TBX18: variants seen among roughly 807,000 people sequenced by gnomAD.
TBX18 encodes T-box transcription factor TBX18.
A neutral mutation model predicts 55.0 loss-of-function variants in TBX18; 21 were observed. The observed-to-expected ratio is 0.38, with a 90% CI of 0.27 to 0.55. TBX18 has a LOEUF of 0.55. Among genes scored for constraint, TBX18 ranks in the 20% least tolerant of loss-of-function variants. The pLI, the probability that TBX18 is intolerant of heterozygous loss-of-function variation, is 0.73. For missense variants in TBX18, 840 were observed against 799.6 expected, an observed-to-expected ratio of 1.05 and a Z score of -0.61; for synonymous variants, 342 against 326.1, an observed-to-expected ratio of 1.05 and a Z score of -0.53.
Position 84,763,157 on chromosome 6 carries a change from G to A in TBX18, c.293-409C>T. On this transcript the variant is annotated intron_variant, in intron 1 of 7. Coordinates refer to ENST00000369663, the MANE Select transcript of TBX18 (RefSeq NM_001080508.3). ...CAAACTCCGACGCAACCTGCGCCTCGAAGCGCAAGCAGCAAAAGCGCCCGG... is the reference window on the plus strand; with the variant it reads ...CAAACTCCGACGCAACCTGCGCCTCAAAGCGCAAGCAGCAAAAGCGCCCGG... 1.1e-5 allele frequency: 4 copies of A among 363,578 alleles called. 1 individual carries two copies. The highest frequency in any genetic ancestry group is 8.9e-5 in the South Asian group (4 of 44,896). The allele number at this position is 363,578 out of a possible 1,614,324, so 22.5% of individuals were successfully genotyped here. A position where few individuals can be genotyped will look rare whatever the true frequency, so the allele number is the denominator to read the frequency against.
intron 6 of TBX18, 58 bp downstream of exon 6, chr6:84,744,203 T>A: frequency 7.0e-7 from 1 of 1,425,836 alleles, no homozygotes; most frequent in Non-Finnish European, 9.6e-7. Flanking sequence ...AATAGAAAAT[T>A]CATAATAAAA....
chr6:84,737,101 T>C lies in TBX18; in HGVS notation c.1408A>G (p.Met470Val), dbSNP rs757081078. The C allele has an allele frequency of 3.7e-6, 6 of 1,614,192 alleles. No individual in the cohort carries two copies. Among genetic ancestry groups the C allele is most frequent in the Admixed American group, 1.7e-5 (1 of 60,028 alleles). The change falls in exon 8 of 8, where the codon ATG (methionine) becomes GTG (valine). Residue 470 changes from methionine to valine, a missense_variant. By Grantham distance (21) the Met-to-Val change is conservative (BLOSUM62 1). Coordinates refer to ENST00000369663, the MANE Select transcript of TBX18 (RefSeq NM_001080508.3). Reference protein sequence around the residue: ...VSSSTSVNMSMGGTDGDTFSC... With the variant: ...VSSSTSVNMSVGGTDGDTFSC... ...AAGGTGTCCCCATCAGTGCCACCCA[T>C]GGACATGTTCACGGAGGTGCTGCTG...
Position 84,756,765 on chromosome 6 carries a change from C to A in TBX18, c.704G>T (p.Trp235Leu), listed in dbSNP as rs752504356. Residue 235 changes from tryptophan to leucine, a missense_variant, in exon 4 of 8, where the codon TGG becomes TTG. Physicochemically the swap from Trp to Leu is moderately conservative, Grantham distance 61. Coordinates refer to ENST00000369663, the MANE Select transcript of TBX18 (RefSeq NM_001080508.3). ...HPDSPASGET[W>L]MRQVISFDKL... ...GTCGAAGCTGATAACTTGTCTCATC[C>A]AAGTCTCCCCCGAGGCAGGCGAGTC... is the stretch of plus-strand genomic sequence containing the variant. The A allele has an allele frequency of 3.7e-6, 6 of 1,614,084 alleles. No individual in the cohort carries two copies. The South Asian group carries it at 6.6e-5, about 18-fold the overall frequency.
chr6:84,763,854 C>G (rs1430665805), intron 1 of TBX18, 36 bp downstream of exon 1: 6 of 1,455,388 alleles, frequency 4.1e-6, no homozygotes, highest in African/African-American at 1.5e-5. Flanking sequence ...AGGTTCGCGC[C>G]GGAGAGAAGT....
intron 4 of TBX18, among the ~76,000 whole-genome samples, chr6:84,754,991 T>C (rs1234335300): frequency 6.6e-6 from 1 of 152,128 alleles, no homozygotes; most frequent in Non-Finnish European, 1.5e-5. Context: ...TAAAATAAAT[T>C]GTTCTCTCTG....
rs1220012352 is a variant in TBX18 at position 84,764,018 on chromosome 6, C to A, written c.164G>T (p.Cys55Phe). 1.0e-5 allele frequency: 16 copies of A among 1,555,964 alleles called. No individual in the cohort carries two copies. Among genetic ancestry groups the A allele is most frequent in the Non-Finnish European group, 1.4e-5 (16 of 1,154,198 alleles). Residue 55 changes from cysteine to phenylalanine, a missense_variant, in exon 1 of 8, where the codon TGC (cysteine) becomes TTC (phenylalanine). Transcript: ENST00000369663. ...TTCGCCCGCGCCGCCGCCGCGGCTG[C>A]AGCCTCCGTCGTCCACGGCCCCCGC... ...EAAGAVDDGG[C>F]SRGGGAGEKG...
At chr6:84,757,329 C>T (rs1370704931) in intron 3 of TBX18, among the ~76,000 whole-genome samples, 1 of 152,156 alleles carries the variant, frequency 6.6e-6, no homozygotes, top group Non-Finnish European at 1.5e-5. Flanking sequence ...TATGTAAAGG[C>T]TTATGGAACA....
chr6:84,763,996 G>T lies in TBX18; in HGVS notation c.186C>A (p.Gly62=). The T allele has an allele frequency of 6.4e-7, 1 of 1,563,144 alleles. No homozygotes were observed. Among genetic ancestry groups the T allele is most frequent in the Non-Finnish European group, 8.6e-7 (1 of 1,159,238 alleles). The change falls in exon 1 of 8, where the codon GGC becomes GGA. Residue 62 remains glycine (G), a synonymous_variant. Transcript: ENST00000369663. ...CGTCTCCCTCAGAAGAACCCTTTTCGCCCGCGCCGCCGCCGCGGCTGCAGC... is the reference window on the plus strand; with the variant it reads ...CGTCTCCCTCAGAAGAACCCTTTTCTCCCGCGCCGCCGCCGCGGCTGCAGC... ...DGGCSRGGGA[G]EKGSSEGDEG...
At position 84,743,720 on chromosome 6, in the gene TBX18, C is replaced by T. The variant is rs112644550; in HGVS notation, c.1004+541G>A. Among the ~76,000 whole-genome samples, 603 of 152,196 alleles carry T rather than the reference C, an allele frequency of 4.0e-3. 3 individuals are homozygous for T. Among genetic ancestry groups the T allele is most frequent in the African/African-American group, 0.011 (455 of 41,532 alleles). ...ATTATTGTGGCTCTACCACTTAGTA[C>T]AAACACCACAAAACGTGAAACAGAA... is the stretch of plus-strand genomic sequence containing the variant. On this transcript the variant is annotated intron_variant, in intron 6 of 7. Coordinates refer to ENST00000369663, the MANE Select transcript of TBX18 (RefSeq NM_001080508.3).
At chr6:84,762,486 G>C in intron 2 of TBX18, 58 bp downstream of exon 2, 1 of 1,588,292 alleles carries the variant, frequency 6.3e-7, no homozygotes, top group Middle Eastern at 1.7e-4. Context: ...TTGAGCTAGA[G>C]GTGAGTGAAG....
At position 84,735,518 on chromosome 6, in the gene TBX18, C is replaced by G. The variant is rs1035836643; in HGVS notation, c.*1167G>C. On this transcript the variant is annotated 3_prime_UTR_variant, in exon 8 of 8. Coordinates refer to ENST00000369663, the MANE Select transcript of TBX18 (RefSeq NM_001080508.3). ...AAGACAGATTGCTGGAGATAACCTA[C>G]TGAAATTCCTCACCGTGTTATTTAA... 4 of 152,286 alleles carry G rather than the reference C, an allele frequency of 2.6e-5. No individual in the cohort carries two copies. The highest frequency in any genetic ancestry group is 3.4e-3 in the Middle Eastern group (1 of 294). 9.4% of individuals were successfully genotyped at this position (152,286 alleles called of 1,614,324 possible). A position where few individuals can be genotyped will look rare whatever the true frequency, so the allele number is the denominator to read the frequency against.
At chr6:84,754,613 C>A (rs565227031) in intron 4 of TBX18, among the ~76,000 whole-genome samples, 2 of 152,236 alleles carry the variant, frequency 1.3e-5, no homozygotes, top group South Asian at 4.1e-4. Flanking sequence ...CATTTGTAAT[C>A]TATTATTTTG....
intron 4 of TBX18, 27 bp downstream of exon 4, chr6:84,756,665 TCTACAG>T: frequency 6.2e-7 from 1 of 1,603,716 alleles, no homozygotes; most frequent in Admixed American, 1.7e-5. Flanking sequence ...GGCTGTGCCA[TCTACAG>T]ATGCATTAGA....
At chr6:84,759,170 T>G (rs1443111266) in intron 3 of TBX18, among the ~76,000 whole-genome samples, 1 of 152,148 alleles carries the variant, frequency 6.6e-6, no homozygotes, top group Non-Finnish European at 1.5e-5. Flanking sequence ...CAAAACTCCC[T>G]AATGACTTAT....
chr6:84,764,453 A>C lies in TBX18; in HGVS notation c.-272T>G. The C allele has an allele frequency of 3.0e-5, 12 of 396,980 alleles. No individual in the cohort carries two copies. The highest frequency in any genetic ancestry group is 4.4e-5 in the Non-Finnish European group (10 of 226,214). The allele number at this position is 396,980 out of a possible 1,614,324, so 24.6% of individuals were successfully genotyped here. ...GCACTCCTTTGCTCCCACCCCTTCC[A>C]CCTCCTCCTGCTGCTCCGAGGTCTG... On this transcript the variant is annotated 5_prime_UTR_variant, in exon 1 of 8. Transcript: ENST00000369663.
intron 2 of TBX18, among the ~76,000 whole-genome samples, chr6:84,760,645 G>C (rs577338254): frequency 6.6e-6 from 1 of 152,242 alleles, no homozygotes; most frequent in African/African-American, 2.4e-5. Flanking sequence ...ACAAAAGAAA[G>C]CATCTTATTT....
chr6:84,736,471 C>G lies in TBX18; in HGVS notation c.*214G>C, dbSNP rs185842202. On this transcript the variant is annotated 3_prime_UTR_variant, in exon 8 of 8. Coordinates refer to ENST00000369663, the MANE Select transcript of TBX18 (RefSeq NM_001080508.3). ...GGATGAAACAGGGGAACAATAGGGG[C>G]CGTGATACTCCATGTGCTATGTATA... is the stretch of plus-strand genomic sequence containing the variant. 16 of 398,366 alleles carry G rather than the reference C, an allele frequency of 4.0e-5. No homozygotes were observed. In the East Asian group the frequency reaches 6.6e-4, roughly 16 times the overall value. 24.7% of individuals were successfully genotyped at this position (398,366 alleles called of 1,614,324 possible).
At chr6:84,744,209 T>C (rs1767121195) in intron 6 of TBX18, 52 bp downstream of exon 6, 1 of 1,456,816 alleles carries the variant, frequency 6.9e-7, no homozygotes, top group African/African-American at 1.4e-5. Flanking sequence ...AAATTCATAA[T>C]AAAATATCAA....
intron 3 of TBX18, among the ~76,000 whole-genome samples, chr6:84,759,441 C>T (rs1262500744): frequency 6.6e-6 from 1 of 152,020 alleles, no homozygotes; most frequent in East Asian, 1.9e-4. Context: ...AAAACAGTAT[C>T]TTCGAATCTT....
Sources: allele counts gnomAD v4.1 joint callset (sites outside exome capture counted in the v4.1 genomes callset), GRCh38; gene constraint gnomAD v4.1.1; transcripts MANE v1.5; gene names NCBI Gene and HGNC (gene_info 2026-07-23, HGNC 2026-07-21).